ACTR3C: variants seen among roughly 807,000 people sequenced by gnomAD.
The protein encoded by ACTR3C is actin related protein 3C.
In ACTR3C, 18 loss-of-function variants were observed where a neutral mutation model predicts 26.3. The ratio of observed to expected loss-of-function variants is 0.68; its 90% confidence interval spans 0.47 to 1.01. The LOEUF is 1.01. Among genes scored for constraint, ACTR3C ranks in the 50% least tolerant of loss-of-function variants. The probability of loss-of-function intolerance (pLI) is 0.00; values close to 1 mark genes in which losing one functional copy is unlikely to be tolerated. For missense variants in ACTR3C, 184 were observed against 250.7 expected (o/e 0.73, Z 1.80); for synonymous variants, 55 against 94.5 (o/e 0.58, Z 2.42).
chr7:150,261,094 G>T (rs895717152), intron 6 of ACTR3C, among the ~76,000 whole-genome samples: 4 of 152,168 alleles, frequency 2.6e-5, no homozygotes, highest in Admixed American at 2.6e-4. Context: ...TAATGTGGTG[G>T]ATATAATAAC....
intron 6 of ACTR3C, among the ~76,000 whole-genome samples, chr7:150,259,957 C>G (rs545694963): frequency 1.1e-3 from 162 of 152,296 alleles, no homozygotes; most frequent in African/African-American, 3.7e-3. Flanking sequence ...GTAAGCTCCA[C>G]AAAATAGGGA....
At chr7:150,143,653 C>A in the ACTR3C span, among the ~76,000 whole-genome samples, 1 of 141,150 alleles carries the variant, frequency 7.1e-6, no homozygotes, top group African/African-American at 2.6e-5. Flanking sequence ...AAGGCAAAAC[C>A]GTGAGTGGAA....
At chr7:150,293,601 G>A (rs1836471241) in intron 2 of ACTR3C, among the ~76,000 whole-genome samples, 182 bp from the exon 3 acceptor site, 2 of 151,944 alleles carry the variant, frequency 1.3e-5, no homozygotes, top group African/African-American at 2.4e-5. Context: ...CAACTAACAC[G>A]AAAATGTTGA....
At chr7:149,952,850 A>G in the ACTR3C span, among the ~76,000 whole-genome samples, 2 of 151,064 alleles carry the variant, frequency 1.3e-5, no homozygotes, top group Non-Finnish European at 3.0e-5. Flanking sequence ...ATTCCCTCAT[A>G]TACTGCTGGT....
the ACTR3C span, among the ~76,000 whole-genome samples, chr7:149,978,016 G>C: frequency 6.6e-6 from 1 of 150,912 alleles, no homozygotes; most frequent in Non-Finnish European, 1.5e-5. Flanking sequence ...GTTCTAGTTG[G>C]CAGGGGTAGG....
intron 6 of ACTR3C, among the ~76,000 whole-genome samples, chr7:150,273,445 T>A (rs3757427): frequency 6.6e-6 from 1 of 151,326 alleles, no homozygotes; most frequent in Non-Finnish European, 1.5e-5. Context: ...AGCTGGCTAA[T>A]TTTTTTGGTA....
chr7:150,303,044 A>G (rs1209753459), intron 1 of ACTR3C: 4 of 152,244 alleles, frequency 2.6e-5, no homozygotes, highest in Non-Finnish European at 5.9e-5. Context: ...TGCTCTTACC[A>G]ACACTGCAAG....
At chr7:150,034,518 C>CAA in the ACTR3C span, among the ~76,000 whole-genome samples, 8 of 151,204 alleles carry the variant, frequency 5.3e-5, no homozygotes, top group East Asian at 1.9e-4. Context: ...GCTAATACTG[C>CAA]AGTTTGGGAT....
chr7:150,267,702 G>A lies in ACTR3C; in HGVS notation c.564+17051C>T, dbSNP rs140899171. On this transcript the variant is annotated intron_variant, in intron 6 of 7. Transcript: ENST00000683684. ...AGGAAAAAAAGATCATATACAGAGG[G>A]TGTGGTACCATCTACAGTTTCAACC... 1.6e-3 allele frequency among the ~76,000 whole-genome samples: 250 copies of A among 152,310 alleles called. 3 individuals are homozygous for A. Among genetic ancestry groups the A allele is most frequent in the African/African-American group, 5.8e-3 (243 of 41,560 alleles).
At chr7:149,940,957 C>T in the ACTR3C span, among the ~76,000 whole-genome samples, 3 of 151,918 alleles carry the variant, frequency 2.0e-5, no homozygotes, top group East Asian at 5.8e-4. Flanking sequence ...AGGCCTGGGG[C>T]CCCTTAAGTC....
chr7:150,284,909 C>T lies in ACTR3C; in HGVS notation c.472-64G>A, dbSNP rs984262780. On this transcript the variant is annotated intron_variant, in intron 5 of 7. Transcript: ENST00000683684. ...TCTCTCAAATAGAACAACATGAACA[C>T]TCCTTTAAAGTAACTTTAACAAATA... The T allele has an allele frequency of 3.4e-6, 5 of 1,457,658 alleles. No homozygotes were observed. The African/African-American group carries it at 4.3e-5, about 12-fold the overall frequency. 90.3% of individuals were successfully genotyped at this position (1,457,658 alleles called of 1,614,324 possible). A position where few individuals can be genotyped will look rare whatever the true frequency, so the allele number is the denominator to read the frequency against.
At chr7:149,971,355 G>T in the ACTR3C span, among the ~76,000 whole-genome samples, 1 of 152,152 alleles carries the variant, frequency 6.6e-6, no homozygotes, top group African/African-American at 2.4e-5. Context: ...TTAGAACAAT[G>T]ACTTCCTTGT....
At chr7:150,068,803 C>G in the ACTR3C span, among the ~76,000 whole-genome samples, 1 of 124,816 alleles carries the variant, frequency 8.0e-6, no homozygotes, top group African/African-American at 3.1e-5. Context: ...AAAAAAAAAA[C>G]CAAAAAAAGG....
the ACTR3C span, among the ~76,000 whole-genome samples, chr7:150,045,542 C>A: frequency 6.6e-6 from 1 of 151,302 alleles, no homozygotes; most frequent in Admixed American, 6.6e-5. Context: ...CACGCCCACC[C>A]ACACACATTG....
chr7:150,202,398 G>A, the ACTR3C span, among the ~76,000 whole-genome samples: 7 of 151,810 alleles, frequency 4.6e-5, no homozygotes, highest in Admixed American at 1.3e-4. Context: ...TGATTCTGGC[G>A]AGTTTGCCTC....
chr7:149,935,906 C>T, the ACTR3C span, among the ~76,000 whole-genome samples: 2 of 152,136 alleles, frequency 1.3e-5, no homozygotes, highest in Non-Finnish European at 2.9e-5. Context: ...CCTGAGTAGA[C>T]CTGCCACTGC....
At chr7:150,167,018 G>GTGTGTA in the ACTR3C span, among the ~76,000 whole-genome samples, 1 of 147,192 alleles carries the variant, frequency 6.8e-6, no homozygotes, top group Non-Finnish European at 1.5e-5. Context: ...ATTCCACTGT[G>GTGTGTA]TATATATATA....
the ACTR3C span, among the ~76,000 whole-genome samples, chr7:150,181,506 A>C: frequency 6.6e-6 from 1 of 150,750 alleles, no homozygotes; most frequent in East Asian, 1.9e-4. Context: ...GAAGGATTAC[A>C]ATTGGTTGAG....
intron 1 of ACTR3C, among the ~76,000 whole-genome samples, chr7:150,313,496 C>T (rs1441481367): frequency 6.6e-6 from 1 of 152,216 alleles, no homozygotes; most frequent in East Asian, 1.9e-4. Context: ...AGGTAGCAGG[C>T]TTCACAGAAT....
Sources: gnomAD v4.1 joint callset for allele counts (sites outside exome capture counted in the v4.1 genomes callset) on GRCh38, gnomAD v4.1.1 for gene constraint, MANE v1.5 for transcripts, NCBI Gene and HGNC (gene_info 2026-07-23, HGNC 2026-07-21) for gene names.